Variants in TNC observed in about 807,000 individuals in gnomAD.
TNC encodes the protein tenascin.
A neutral mutation model predicts 202.4 loss-of-function variants in TNC; 109 were observed. That is an observed-to-expected ratio of 0.54 (90% CI 0.46 to 0.63). TNC has a LOEUF of 0.63. Among genes scored for constraint, TNC ranks in the 30% least tolerant of loss-of-function variants. TNC has a pLI of 0.00. For synonymous variants in TNC, 1,007 were observed against 1,089.7 expected, an observed-to-expected ratio of 0.92 and a Z score of 1.50; for missense variants, 2,756 against 2,833.3, an observed-to-expected ratio of 0.97 and a Z score of 0.62.
rs1834002611 is a variant in TNC, at chr9:115,077,937, T to G, written c.2674+6A>C. On this transcript the variant is annotated splice_donor_region_variant and intron_variant, in intron 7 of 27. Coordinates refer to ENST00000350763, the MANE Select transcript of TNC (RefSeq NM_002160.4). ...CTATATCTGTTAACAGGGGGAGGCC[T>G]TTTACCTGTTGTGAAGGTCTCTTTG... 6.2e-7 allele frequency: 1 copy of G among 1,612,026 alleles called. No homozygotes were observed. The highest frequency in any genetic ancestry group is 1.7e-5 in the Admixed American group (1 of 59,932).
chr9:115,029,543 G>A (rs1829797264), intron 24 of TNC, 87 bp from the exon 25 acceptor site: 2 of 1,319,042 alleles, frequency 1.5e-6, no homozygotes, highest in Non-Finnish European at 2.2e-6. Context: ...TGGCACTGTG[G>A]AGAGAGCATC....
At chr9:115,075,200 A>G (rs2133100631) in intron 9 of TNC, among the ~76,000 whole-genome samples, 1 of 152,122 alleles carries the variant, frequency 6.6e-6, no homozygotes, top group South Asian at 2.1e-4. Flanking sequence ...TTCCCAGAAA[A>G]ATGGAAAAAA....
chr9:115,109,385 C>A (rs1030891078), intron 1 of TNC, among the ~76,000 whole-genome samples: 1 of 152,196 alleles, frequency 6.6e-6, no homozygotes, highest in Non-Finnish European at 1.5e-5. Flanking sequence ...CTTAAAGAAG[C>A]TAAGTAACTT....
chr9:115,066,866 G>GTGCA (rs1007736534), intron 10 of TNC, among the ~76,000 whole-genome samples: 1 of 152,192 alleles, frequency 6.6e-6, no homozygotes, highest in Non-Finnish European at 1.5e-5. Context: ...GTTACAAAAT[G>GTGCA]TGCAGTTGAA....
chr9:115,052,902 C>T, intron 15 of TNC: 1 of 702,740 alleles, frequency 1.4e-6, no homozygotes, highest in Admixed American at 2.0e-5. Context: ...GAGTGAGCGT[C>T]ACTCACATTG....
intron 27 of TNC, 42 bp from the exon 28 acceptor site, chr9:115,021,309 G>T: frequency 7.0e-7 from 1 of 1,435,724 alleles, no homozygotes; most frequent in South Asian, 1.2e-5. Context: ...GAGAGAGAAG[G>T]CCTCCAGGTT....
chr9:115,089,576 C>T (rs1835058572), intron 2 of TNC, among the ~76,000 whole-genome samples: 1 of 152,088 alleles, frequency 6.6e-6, no homozygotes, highest in Non-Finnish European at 1.5e-5. Context: ...TCTCAGCTCA[C>T]TGCAACCTCT....
intron 1 of TNC, among the ~76,000 whole-genome samples, chr9:115,109,744 T>C (rs192818644): frequency 2.0e-5 from 3 of 152,344 alleles, no homozygotes; most frequent in Non-Finnish European, 2.9e-5. Flanking sequence ...GAGGTCTGTG[T>C]CCTGAGACAG....
chr9:115,085,505 C>T (rs1834639388), intron 3 of TNC, among the ~76,000 whole-genome samples: 1 of 152,096 alleles, frequency 6.6e-6, no homozygotes, highest in African/African-American at 2.4e-5. Flanking sequence ...GAGAGTATCC[C>T]TTTATCTACC....
intron 1 of TNC, among the ~76,000 whole-genome samples, chr9:115,111,399 C>CTCTTTTTTTTTT (rs1174066886): frequency 1.4e-5 from 1 of 71,342 alleles, no homozygotes; most frequent in African/African-American, 6.0e-5. Context: ...CTCTCTCTCT[C>CTCTTTTTTTTTT]TTTTTTTTTT....
Position 115,035,343 on chromosome 9 carries a change from G to C in TNC, c.5657-9C>G. On this transcript the variant is annotated splice_polypyrimidine_tract_variant and intron_variant, in intron 21 of 27. Transcript: ENST00000350763. The stretch of plus-strand genomic sequence containing the variant: ...TCTTGGAGAATCGAGGTCTGGAGAA[G>C]ACAGGATGATTAATATCGGATAAGA... The C allele has an allele frequency of 6.2e-7, 1 of 1,606,434 alleles. No individual in the cohort carries two copies. The highest frequency in any genetic ancestry group is 8.5e-7 in the Non-Finnish European group (1 of 1,176,884).
At chr9:115,077,242 G>C (rs1833936891) in intron 7 of TNC, among the ~76,000 whole-genome samples, 1 of 151,782 alleles carries the variant, frequency 6.6e-6, no homozygotes, top group Non-Finnish European at 1.5e-5. Context: ...ATTTTTAGTA[G>C]AGACGGGGTT....
chr9:115,117,965 G>C lies in TNC; in HGVS notation c.-137+17C>G, dbSNP rs1837595768. ...ACATCATAAGGATCTCTAGTGATGA[G>C]GGCAAAACAGACTTACCTTTCCGAT... On this transcript the variant is annotated intron_variant, in intron 1 of 27. Coordinates refer to ENST00000350763, the MANE Select transcript of TNC (RefSeq NM_002160.4). 1 of 152,154 alleles carries C rather than the reference G, an allele frequency of 6.6e-6. No individual in the cohort carries two copies. Among genetic ancestry groups the C allele is most frequent in the African/African-American group, 2.4e-5 (1 of 41,412 alleles). 9.4% of individuals were successfully genotyped at this position (152,154 alleles called of 1,614,324 possible).
At chr9:115,068,391 A>G (rs968715623) in intron 10 of TNC, among the ~76,000 whole-genome samples, 1 of 152,192 alleles carries the variant, frequency 6.6e-6, no homozygotes, top group African/African-American at 2.4e-5. Flanking sequence ...GTAGATTGTT[A>G]CCATCTTCTA....
chr9:115,052,963 G>A, intron 15 of TNC: 2 of 702,642 alleles, frequency 2.8e-6, no homozygotes, highest in Non-Finnish European at 5.2e-6. Context: ...ACATGTTGAA[G>A]CTTTTTGGAG....
At chr9:115,030,180 T>G (rs1190907530) in intron 24 of TNC, 74 bp downstream of exon 24, 2 of 1,467,524 alleles carry the variant, frequency 1.4e-6, no homozygotes, top group Non-Finnish European at 1.8e-6. Flanking sequence ...GAGATCACCC[T>G]CTTCTCCTCC....
At chr9:115,117,242 CA>C (rs1186841851) in intron 1 of TNC, among the ~76,000 whole-genome samples, 1 of 152,106 alleles carries the variant, frequency 6.6e-6, no homozygotes, top group Non-Finnish European at 1.5e-5. Flanking sequence ...CAAAGTACAC[CA>C]GGGGCAGCAG....
At chr9:115,045,495 T>C (rs1004769210) in intron 17 of TNC, among the ~76,000 whole-genome samples, 5 of 151,498 alleles carry the variant, frequency 3.3e-5, no homozygotes, top group African/African-American at 1.2e-4. Flanking sequence ...GCCTGCAGAG[T>C]AGCTGGTACT....
At position 115,065,171 on chromosome 9, in the gene TNC, G is replaced by A. The variant is rs1473028818; in HGVS notation, c.3215-252C>T. Reference sequence around the variant, plus strand: ...AGCGCTTTGGGAGGCCAAGGTGGGTGGATCATTTGAGGTCAGGGGTTCGAG... The same window carrying A: ...AGCGCTTTGGGAGGCCAAGGTGGGTAGATCATTTGAGGTCAGGGGTTCGAG... On this transcript the variant is annotated intron_variant, in intron 10 of 27. Coordinates refer to ENST00000350763, the MANE Select transcript of TNC (RefSeq NM_002160.4). 2.6e-5 allele frequency among the ~76,000 whole-genome samples: 4 copies of A among 152,086 alleles called. No homozygotes were observed. In the East Asian group the frequency reaches 7.7e-4, roughly 29 times the overall value.
Sources: gnomAD v4.1 joint callset for allele counts (sites outside exome capture counted in the v4.1 genomes callset) on GRCh38, gnomAD v4.1.1 for gene constraint, MANE v1.5 for transcripts, NCBI Gene and HGNC (gene_info 2026-07-23, HGNC 2026-07-21) for gene names.